The following RAB37 variants were observed in gnomAD, a reference collection of about 807,000 sequenced individuals.
RAB37 encodes the protein ras-related protein Rab-37.
A neutral mutation model predicts 33.1 loss-of-function variants in RAB37; 29 were observed. The ratio of observed to expected loss-of-function variants is 0.88; its 90% CI spans 0.65 to 1.20. RAB37 has a LOEUF of 1.20. Among genes scored for constraint, RAB37 ranks in the 50% most tolerant of loss-of-function variants. RAB37 has a pLI of 0.00. For synonymous variants in RAB37, 128 were observed against 119.5 expected (o/e 1.07, Z -0.47); for missense variants, 299 against 301.1 (o/e 0.99, Z 0.05).
upstream of RAB37, chr17:74,736,671 G>A: frequency 6.5e-7 from 1 of 1,535,728 alleles, no homozygotes; most frequent in Non-Finnish European, 8.7e-7. Context: ...CCATACTAAA[G>A]GGTCAAAGTC....
upstream of RAB37, among the ~76,000 whole-genome samples, chr17:74,733,724 G>A (rs185961308): frequency 1.1e-3 from 161 of 151,968 alleles, no homozygotes; most frequent in African/African-American, 3.6e-3. Flanking sequence ...GAGACCACAC[G>A]GATCCCTTAG....
Position 74,740,753 on chromosome 17 carries a change from GC to G in RAB37, c.94-11del. ...CCCTGACTCCCCATTAACTGCCTCTGCCCCTACCCCCTAGGTGATGCTTCTG... is the reference window on the plus strand; with the variant it reads ...CCCTGACTCCCCATTAACTGCCTCTGCCCTACCCCCTAGGTGATGCTTCTG... On this transcript the variant is annotated splice_polypyrimidine_tract_variant and intron_variant, in intron 1 of 8. Transcript: ENST00000392613. 1 of 1,590,470 alleles carries G rather than the reference GC, an allele frequency of 6.3e-7. No homozygotes were observed. Among genetic ancestry groups the G allele is most frequent in the Non-Finnish European group, 8.6e-7 (1 of 1,158,934 alleles).
rs761065837 is a variant in RAB37 at position 74,744,068 on chromosome 17, C to G, written c.367-240C>G. Among the ~76,000 whole-genome samples, 8 of 152,142 alleles carry G rather than the reference C, an allele frequency of 5.3e-5. No individual in the cohort carries two copies. The highest frequency in any genetic ancestry group is 7.3e-5 in the Non-Finnish European group (5 of 68,032). On this transcript the variant is annotated intron_variant, in intron 5 of 8. Coordinates refer to ENST00000392613, the MANE Select transcript of RAB37 (RefSeq NM_001006638.3). This position sits in a 1 kb window ranked among gnomAD's most constrained non-coding sequence, Gnocchi z 4.2. ...TTTGTGAGATAAGGTCTCCATGCAT[C>G]TGGATCTTCCATAGAACTGATAGTT... is the stretch of plus-strand genomic sequence containing the variant.
chr17:74,710,158 T>C (rs966228164), intron 1 of RAB37, among the ~76,000 whole-genome samples: 1 of 151,770 alleles, frequency 6.6e-6, no homozygotes, highest in Non-Finnish European at 1.5e-5. Context: ...TTTTGTACTT[T>C]TGGTAGAGAT....
chr17:74,716,633 G>A (rs1022981821), intron 1 of RAB37, among the ~76,000 whole-genome samples: 1 of 152,160 alleles, frequency 6.6e-6, no homozygotes, highest in African/African-American at 2.4e-5. Context: ...GCTAGTAAGT[G>A]GCAGAGCCAA....
At chr17:74,736,035 G>A (rs1421745480), upstream of RAB37, among the ~76,000 whole-genome samples, 1 of 152,052 alleles carries the variant, frequency 6.6e-6, no homozygotes, top group Non-Finnish European at 1.5e-5. Context: ...GCAAAACCCC[G>A]TCTCTACTAA....
intron 1 of RAB37, among the ~76,000 whole-genome samples, chr17:74,699,735 C>T (rs1005185829): frequency 6.6e-6 from 1 of 152,124 alleles, no homozygotes; most frequent in Non-Finnish European, 1.5e-5. Context: ...TGCTTTGAGC[C>T]ACTCGTAACG....
At chr17:74,714,139 C>T (rs187051810) in intron 1 of RAB37, among the ~76,000 whole-genome samples, 2 of 151,838 alleles carry the variant, frequency 1.3e-5, no homozygotes, top group Non-Finnish European at 2.9e-5. Flanking sequence ...TGAACCCAGG[C>T]GGCAGAGGTT....
intron 1 of RAB37, among the ~76,000 whole-genome samples, chr17:74,728,890 ATG>A (rs1189722332): frequency 2.7e-5 from 4 of 150,144 alleles, no homozygotes; most frequent in Middle Eastern, 3.6e-3. Context: ...ATGTGTGTAC[ATG>A]TGTTTTTCTG....
upstream of RAB37, chr17:74,737,225 G>T: frequency 2.0e-6 from 3 of 1,536,356 alleles, no homozygotes; most frequent in South Asian, 2.4e-5. Context: ...CCGTTCCTGC[G>T]CTCTCCTTCG....
chr17:74,744,428 G>C lies in RAB37; in HGVS notation c.432+55G>C. 2 of 1,558,586 alleles carry C rather than the reference G, an allele frequency of 1.3e-6. No homozygotes were observed. Among genetic ancestry groups the C allele is most frequent in the Non-Finnish European group, 1.8e-6 (2 of 1,129,880 alleles). The stretch of plus-strand genomic sequence containing the variant: ...GCCCTGCACTTCCTCAGCCCTAGCC[G>C]GCCCCATAACCACCCAAGAACAGTT... On this transcript the variant is annotated intron_variant, in intron 6 of 8. Transcript: ENST00000392613. This position sits in a 1 kb window ranked among gnomAD's most constrained non-coding sequence, Gnocchi z 4.2.
chr17:74,741,438 T>C (rs1195711934), intron 2 of RAB37, among the ~76,000 whole-genome samples: 5 of 151,928 alleles, frequency 3.3e-5, no homozygotes, highest in Non-Finnish European at 7.4e-5. Context: ...ATACAAAAAT[T>C]AGCCAGGTGT....
chr17:74,737,670 G>A (rs188711772), intron 1 of RAB37, among the ~76,000 whole-genome samples: 10 of 152,318 alleles, frequency 6.6e-5, no homozygotes, highest in Admixed American at 1.3e-4. Context: ...TGAGGGTTAA[G>A]CGCGCAACTC....
intron 1 of RAB37, among the ~76,000 whole-genome samples, chr17:74,713,679 G>A (rs1228519889): frequency 6.6e-6 from 1 of 152,034 alleles, no homozygotes; most frequent in Non-Finnish European, 1.5e-5. Context: ...CAAGAGGATT[G>A]AGGGGCACTT....
intron 1 of RAB37, among the ~76,000 whole-genome samples, chr17:74,708,096 C>T (rs1480792523): frequency 4.1e-5 from 6 of 147,134 alleles, no homozygotes; most frequent in African/African-American, 7.6e-5. Flanking sequence ...TTCAGTGAGC[C>T]GAGATCACAT....
In RAB37 at chr17:74,744,788, C is replaced by A. The variant is rs893136457; in HGVS notation, c.433-85C>A. 12 of 1,516,782 alleles carry A rather than the reference C, an allele frequency of 7.9e-6. No individual in the cohort carries two copies. In the African/African-American group the frequency reaches 1.1e-4, roughly 14 times the overall value. The allele number at this position is 1,516,782 out of a possible 1,614,324, so 94.0% of individuals were successfully genotyped here. The stretch of plus-strand genomic sequence containing the variant: ...AGTCCCTTGGGCCACCAGCAGAGGG[C>A]AGGCAACGCCTGCTTCTGGGGCAAA... On this transcript the variant is annotated intron_variant, in intron 6 of 8. Transcript: ENST00000392613. This position sits in a 1 kb window ranked among gnomAD's most constrained non-coding sequence, Gnocchi z 4.2.
chr17:74,726,616 C>A (rs992667031), intron 1 of RAB37, among the ~76,000 whole-genome samples: 1 of 151,422 alleles, frequency 6.6e-6, no homozygotes, highest in Non-Finnish European at 1.5e-5. Context: ...AGTTCTCTAA[C>A]CAGGAGGAAA....
rs528809754 is a variant in RAB37, at chr17:74,739,560, C to G, written c.94-1208C>G. Among the ~76,000 whole-genome samples, 8 of 127,104 alleles carry G rather than the reference C, an allele frequency of 6.3e-5. No homozygotes were observed. In the Admixed American group the frequency reaches 7.5e-4, roughly 12 times the overall value. 83.4% of individuals were successfully genotyped at this position (127,104 alleles called of 152,430 possible). A position where few individuals can be genotyped will look rare whatever the true frequency, so the allele number is the denominator to read the frequency against. On this transcript the variant is annotated intron_variant, in intron 1 of 8. Coordinates refer to ENST00000392613, the MANE Select transcript of RAB37 (RefSeq NM_001006638.3). ...TTTTTTTTTTTTTGAGACAGAGTGTCGCTCTGTCACCGAGGCTGGAGTTCA... is the reference window on the plus strand; with the variant it reads ...TTTTTTTTTTTTTGAGACAGAGTGTGGCTCTGTCACCGAGGCTGGAGTTCA...
At chr17:74,724,709 C>G (rs1261481797) in intron 1 of RAB37, among the ~76,000 whole-genome samples, 1 of 152,124 alleles carries the variant, frequency 6.6e-6, no homozygotes, top group Non-Finnish European at 1.5e-5. Flanking sequence ...AGTACATTCT[C>G]AAGGGTGGGG....
Sources: gnomAD v4.1 joint callset for allele counts (sites outside exome capture counted in the v4.1 genomes callset) on GRCh38, gnomAD v4.1.1 for gene constraint, Gnocchi (gnomAD v3.1) non-coding constraint, MANE v1.5 for transcripts, NCBI Gene and HGNC (gene_info 2026-07-23, HGNC 2026-07-21) for gene names.